UBAC2: variants seen among roughly 807,000 people sequenced by gnomAD.
UBAC2 encodes the protein UBA domain containing 2, also known as ubiquitin-associated domain-containing protein 2.
UBAC2 carries 26 observed loss-of-function variants against 44.0 expected under a neutral mutation model. The ratio of observed to expected loss-of-function variants is 0.59; its 90% CI spans 0.43 to 0.82. UBAC2 has a LOEUF of 0.82. Among genes scored for constraint, UBAC2 ranks in the 40% least tolerant of loss-of-function variants. The pLI is 0.00. For missense variants in UBAC2, 329 were observed against 419.4 expected (o/e 0.78, Z 1.88); for synonymous variants, 155 against 154.3 (o/e 1.00, Z -0.04).
Position 99,374,265 on chromosome 13 carries a change from G to T in UBAC2, c.927+6359G>T, listed in dbSNP as rs372122462. On this transcript the variant is annotated intron_variant, in intron 8 of 8. Coordinates refer to ENST00000403766, the MANE Select transcript of UBAC2 (RefSeq NM_001144072.2). Reference sequence around the variant, plus strand: ...GCAGAGGGGAGTTCCTTATTATGCTGACTTGTGTAGTCTGGGATCTCCTAT... The same window carrying T: ...GCAGAGGGGAGTTCCTTATTATGCTTACTTGTGTAGTCTGGGATCTCCTAT... Among the ~76,000 whole-genome samples, 208 of 152,212 alleles carry T rather than the reference G, an allele frequency of 1.4e-3. 2 individuals carry two copies. Among genetic ancestry groups the T allele is most frequent in the African/African-American group, 4.9e-3 (203 of 41,530 alleles).
intron 4 of UBAC2, among the ~76,000 whole-genome samples, chr13:99,303,777 A>C (rs568226850): frequency 6.6e-6 from 1 of 152,202 alleles, no homozygotes; most frequent in African/African-American, 2.4e-5. Flanking sequence ...GATGGAAATT[A>C]GGGAGGAACA....
chr13:99,260,660 G>A lies in UBAC2; in HGVS notation c.389+16036G>A, dbSNP rs571495872. Among the ~76,000 whole-genome samples the A allele has an allele frequency of 1.3e-3, 202 of 152,292 alleles. 5 individuals carry two copies. In the South Asian group the frequency reaches 0.039, roughly 30 times the overall value. ...TGACAGCAAGTAAACAATGGGTCAA[G>A]GATTCAACTTGTATAATGTAGACAC... On this transcript the variant is annotated intron_variant, in intron 4 of 8. Coordinates refer to ENST00000403766, the MANE Select transcript of UBAC2 (RefSeq NM_001144072.2).
intron 4 of UBAC2, among the ~76,000 whole-genome samples, chr13:99,245,322 T>G (rs540565946): frequency 3.5e-4 from 54 of 152,344 alleles, no homozygotes; most frequent in African/African-American, 1.2e-3. Context: ...GTTAAGCTTC[T>G]GAAGAATAAT....
chr13:99,207,687 C>T (rs1467345885), intron 1 of UBAC2, among the ~76,000 whole-genome samples: 1 of 152,148 alleles, frequency 6.6e-6, no homozygotes, highest in Non-Finnish European at 1.5e-5. Flanking sequence ...GCCTAAGGTC[C>T]ACTGGTGTCA....
At chr13:99,276,004 T>A (rs2043877252) in intron 4 of UBAC2, among the ~76,000 whole-genome samples, 1 of 152,214 alleles carries the variant, frequency 6.6e-6, no homozygotes, top group Non-Finnish European at 1.5e-5. Flanking sequence ...CATTTACTAA[T>A]AAACCTTGAC....
intron 1 of UBAC2, among the ~76,000 whole-genome samples, chr13:99,203,210 A>G (rs1335962741): frequency 6.6e-6 from 1 of 151,744 alleles, no homozygotes; most frequent in Non-Finnish European, 1.5e-5. Flanking sequence ...CTATTTTTGT[A>G]TTTTTAGTAG....
In UBAC2 at chr13:99,295,822, C is replaced by A. The variant is rs377441012; in HGVS notation, c.390-18275C>A. The A allele has an allele frequency of 4.4e-6, 7 of 1,608,226 alleles. No homozygotes were observed. Among genetic ancestry groups the A allele is most frequent in the Non-Finnish European group, 6.0e-6 (7 of 1,176,156 alleles). The stretch of plus-strand genomic sequence containing the variant: ...CATATGTGTTGATGTAAAACACTAG[C>A]GCAGTTATCCTACACAAGGCATCTC... On this transcript the variant is annotated intron_variant, in intron 4 of 8. Transcript: ENST00000403766. This position sits in a 1 kb window ranked among gnomAD's most constrained non-coding sequence, Gnocchi z 4.1.
intron 1 of UBAC2, among the ~76,000 whole-genome samples, chr13:99,214,877 C>T (rs560671439): frequency 2.6e-5 from 4 of 152,194 alleles, no homozygotes; most frequent in South Asian, 4.1e-4. Flanking sequence ...CATGCTTGTT[C>T]GGTGGCATTT....
chr13:99,359,376 C>T (rs1229319772), intron 7 of UBAC2, among the ~76,000 whole-genome samples: 2 of 152,150 alleles, frequency 1.3e-5, no homozygotes, highest in African/African-American at 4.8e-5. Context: ...AAAGTATTAC[C>T]AGGTACATTA....
intron 4 of UBAC2, among the ~76,000 whole-genome samples, chr13:99,282,868 G>T (rs2043972022): frequency 1.3e-5 from 2 of 152,172 alleles, no homozygotes; most frequent in Non-Finnish European, 1.5e-5. Flanking sequence ...CTGTCTTAGG[G>T]TTGGATTTTT....
chr13:99,269,065 C>T (rs1338247079), intron 4 of UBAC2, among the ~76,000 whole-genome samples: 2 of 152,136 alleles, frequency 1.3e-5, no homozygotes, highest in Non-Finnish European at 2.9e-5. Flanking sequence ...AGTAACTTTG[C>T]AGCACTCACT....
chr13:99,279,160 T>C (rs2043921545), intron 4 of UBAC2, among the ~76,000 whole-genome samples: 1 of 152,004 alleles, frequency 6.6e-6, no homozygotes, highest in South Asian at 2.1e-4. Flanking sequence ...TACCCCTTTA[T>C]CTCCCCTGCT....
intron 1 of UBAC2, chr13:99,215,695 G>C (rs2042984903): frequency 1.3e-6 from 2 of 1,500,024 alleles, no homozygotes; most frequent in Non-Finnish European, 1.8e-6. Flanking sequence ...CCGGCTCTCT[G>C]CGAGCGGGAA....
chr13:99,368,293 C>G (rs2045358795), intron 8 of UBAC2, among the ~76,000 whole-genome samples: 1 of 152,104 alleles, frequency 6.6e-6, no homozygotes, highest in Non-Finnish European at 1.5e-5. Flanking sequence ...TAATGTTTTA[C>G]ATATTCAACA....
intron 1 of UBAC2, among the ~76,000 whole-genome samples, chr13:99,206,840 C>CT (rs756470111): frequency 9.9e-5 from 15 of 152,248 alleles, no homozygotes; most frequent in Non-Finnish European, 1.3e-4. Context: ...CACCATCTCA[C>CT]TCTTCACCCA....
chr13:99,252,616 A>G (rs774636483), intron 4 of UBAC2, among the ~76,000 whole-genome samples: 4 of 152,232 alleles, frequency 2.6e-5, no homozygotes, highest in East Asian at 1.9e-4. Context: ...CATTCCTGCC[A>G]CACATCTGGC....
intron 7 of UBAC2, among the ~76,000 whole-genome samples, chr13:99,352,160 A>G (rs2045103067): frequency 6.6e-6 from 1 of 152,178 alleles, no homozygotes; most frequent in Non-Finnish European, 1.5e-5. Flanking sequence ...AGTGTTTTAA[A>G]AGTATTTACT....
chr13:99,237,890 G>C (rs573184376), intron 1 of UBAC2, among the ~76,000 whole-genome samples: 139 of 152,346 alleles, frequency 9.1e-4, no homozygotes, highest in African/African-American at 3.2e-3. Context: ...GGGAGGTGGA[G>C]GTTGCAGTGA....
chr13:99,254,969 G>T lies in UBAC2; in HGVS notation c.389+10345G>T, dbSNP rs367603189. 1.9e-6 allele frequency: 3 copies of T among 1,614,084 alleles called. No homozygotes were observed. In the African/African-American group the frequency reaches 4.0e-5, roughly 22 times the overall value. Reference sequence around the variant, plus strand: ...ATGCTTCGAAGGTAATTACGGTATAGCATGACACTAATGACTCGAGCCTGA... The same window carrying T: ...ATGCTTCGAAGGTAATTACGGTATATCATGACACTAATGACTCGAGCCTGA... On this transcript the variant is annotated intron_variant, in intron 4 of 8. Transcript: ENST00000403766.
Sources: gnomAD v4.1 joint callset for allele counts (sites outside exome capture counted in the v4.1 genomes callset) on GRCh38, gnomAD v4.1.1 for gene constraint, Gnocchi (gnomAD v3.1) non-coding constraint, MANE v1.5 for transcripts, NCBI Gene and HGNC (gene_info 2026-07-23, HGNC 2026-07-21) for gene names.